Variants in GALNT14 observed in about 807,000 individuals in gnomAD.
GALNT14 encodes polypeptide N-acetylgalactosaminyltransferase 14, also known as UDP-GalNAc:polypeptide N-acetylgalactosaminyltransferase 14.
A neutral mutation model predicts 77.5 loss-of-function variants in GALNT14; 60 were observed. That is an observed-to-expected ratio of 0.77 (90% CI 0.63 to 0.96). The LOEUF is 0.96. Ranked by LOEUF, GALNT14 falls within the 40% of genes least tolerant of loss-of-function variation. The probability of loss-of-function intolerance (pLI) is 0.00; values close to 1 mark genes in which losing one functional copy is unlikely to be tolerated. For missense variants in GALNT14, 710 were observed against 731.0 expected (o/e 0.97, Z 0.33); for synonymous variants, 280 against 281.7 (o/e 0.99, Z 0.06).
At chr2:31,073,294 A>G (rs1675537999) in intron 1 of GALNT14, 1 of 152,268 alleles carries the variant, frequency 6.6e-6, no homozygotes, top group Non-Finnish European at 1.5e-5. Context: ...TGTTAGTTAT[A>G]GACATGAGAC....
intron 1 of GALNT14, among the ~76,000 whole-genome samples, chr2:30,995,642 A>G (rs1669984582): frequency 6.6e-6 from 1 of 152,094 alleles, no homozygotes; most frequent in African/African-American, 2.4e-5. Flanking sequence ...ACAAGTGTGC[A>G]CCACCATGCC....
downstream of GALNT14, among the ~76,000 whole-genome samples, chr2:30,910,085 A>C (rs1664268933): frequency 6.7e-6 from 1 of 148,414 alleles, no homozygotes; most frequent in East Asian, 2.0e-4. Flanking sequence ...GGGGAGGGAT[A>C]GCAGTGGGAG....
At chr2:31,069,589 AGTCT>A (rs1335826650) in intron 1 of GALNT14, among the ~76,000 whole-genome samples, 3 of 152,182 alleles carry the variant, frequency 2.0e-5, no homozygotes, top group Non-Finnish European at 4.4e-5. Context: ...AAACACATGC[AGTCT>A]GTCTCCAGCC....
At chr2:31,081,645 C>G (rs1676158807) in intron 1 of GALNT14, among the ~76,000 whole-genome samples, 1 of 152,122 alleles carries the variant, frequency 6.6e-6, no homozygotes, top group Non-Finnish European at 1.5e-5. Context: ...AATAAAATAA[C>G]CTAGTCACCA....
At chr2:31,003,288 T>TA (rs1573134692) in intron 1 of GALNT14, among the ~76,000 whole-genome samples, 1 of 152,310 alleles carries the variant, frequency 6.6e-6, no homozygotes, top group East Asian at 1.9e-4. Context: ...AGAATGGACA[T>TA]ATAATAGAGG....
chr2:30,976,990 C>T (rs1008470674), intron 2 of GALNT14, among the ~76,000 whole-genome samples: 7 of 152,132 alleles, frequency 4.6e-5, no homozygotes, highest in African/African-American at 1.7e-4. Context: ...GGTCTGGTTC[C>T]CCCCTACCAG....
intron 13 of GALNT14, among the ~76,000 whole-genome samples, chr2:30,917,200 C>CA (rs1391401512): frequency 6.6e-6 from 1 of 151,772 alleles, no homozygotes; most frequent in Non-Finnish European, 1.5e-5. Context: ...AACAATCAGC[C>CA]TGGAGCAGCG....
chr2:31,080,441 C>G (rs952401924), intron 1 of GALNT14, among the ~76,000 whole-genome samples: 1 of 152,192 alleles, frequency 6.6e-6, no homozygotes, highest in Admixed American at 6.5e-5. Flanking sequence ...CCTGCTAGAA[C>G]TAAGTGGTGT....
downstream of GALNT14, among the ~76,000 whole-genome samples, chr2:30,906,909 TC>T (rs921515987): frequency 6.6e-6 from 1 of 152,136 alleles, no homozygotes; most frequent in African/African-American, 2.4e-5. Context: ...AGAATCTCAC[TC>T]AAAACCACGC....
chr2:30,952,907 A>T (rs1290619455), intron 6 of GALNT14, among the ~76,000 whole-genome samples: 1 of 152,086 alleles, frequency 6.6e-6, no homozygotes, highest in East Asian at 1.9e-4. Context: ...GGGGTTTTCC[A>T]CTATACTGCA....
At chr2:30,973,705 G>A (rs1668486034) in intron 2 of GALNT14, among the ~76,000 whole-genome samples, 1 of 152,166 alleles carries the variant, frequency 6.6e-6, no homozygotes, top group South Asian at 2.1e-4. Context: ...TACACTGTAA[G>A]GAATGAAATT....
At chr2:31,040,199 A>T (rs1429205889) in intron 1 of GALNT14, among the ~76,000 whole-genome samples, 1 of 152,234 alleles carries the variant, frequency 6.6e-6, no homozygotes, top group Non-Finnish European at 1.5e-5. Context: ...TAATGTAGAT[A>T]GTAAGAGTAA....
intron 1 of GALNT14, among the ~76,000 whole-genome samples, chr2:31,052,339 GTGACCCTTACAGCTGGGTGGA>G (rs919715788): frequency 2.6e-5 from 4 of 152,158 alleles, no homozygotes; most frequent in Admixed American, 2.6e-4. Flanking sequence ...AGAAACATAT[GTGACCCTTACAGCTGGGTGGA>G]TGACAGCAGA....
intron 1 of GALNT14, among the ~76,000 whole-genome samples, chr2:31,068,414 C>T (rs1226064532): frequency 6.6e-6 from 1 of 150,778 alleles, no homozygotes; most frequent in East Asian, 2.0e-4. Context: ...TTGAACCCAG[C>T]AGGCGAAGGT....
intron 2 of GALNT14, among the ~76,000 whole-genome samples, chr2:30,984,336 G>T (rs1248160133): frequency 1.3e-5 from 2 of 152,194 alleles, no homozygotes; most frequent in Non-Finnish European, 1.5e-5. Flanking sequence ...TGGGGCAGGG[G>T]CACCACTCCT....
intron 1 of GALNT14, among the ~76,000 whole-genome samples, chr2:31,060,007 C>T (rs1430239984): frequency 6.6e-6 from 1 of 152,224 alleles, no homozygotes; most frequent in Non-Finnish European, 1.5e-5. Flanking sequence ...TTAGTATTTA[C>T]ACCATCTCAA....
intron 1 of GALNT14, among the ~76,000 whole-genome samples, chr2:31,013,087 A>G (rs1000584342): frequency 1.3e-5 from 2 of 152,188 alleles, no homozygotes; most frequent in South Asian, 2.1e-4. Flanking sequence ...TGGCTCTGAC[A>G]CTCTTGAGCA....
Position 30,972,265 on chromosome 2 carries a change from A to G in GALNT14, c.300-5963T>C, listed in dbSNP as rs540772753. On this transcript the variant is annotated intron_variant, in intron 2 of 14. Transcript: ENST00000349752. Reference sequence around the variant, plus strand: ...CCGAATCTTAAAGGTGGGCTCTGGCATCCCAGACGGGAGTCTGAAGACAGT... The same window carrying G: ...CCGAATCTTAAAGGTGGGCTCTGGCGTCCCAGACGGGAGTCTGAAGACAGT... Among the ~76,000 whole-genome samples the G allele has an allele frequency of 5.9e-5, 9 of 152,350 alleles. No individual in the cohort carries two copies. The East Asian group carries it at 1.7e-3, about 29-fold the overall frequency.
the GALNT14 span, among the ~76,000 whole-genome samples, chr2:30,894,779 C>G: frequency 6.6e-6 from 1 of 152,154 alleles, no homozygotes; most frequent in Non-Finnish European, 1.5e-5. Flanking sequence ...AGTGGTCATC[C>G]CTCTGGACTC....
Sources: allele counts gnomAD v4.1 joint callset (sites outside exome capture counted in the v4.1 genomes callset), GRCh38; gene constraint gnomAD v4.1.1; transcripts MANE v1.5; gene names NCBI Gene and HGNC (gene_info 2026-07-23, HGNC 2026-07-21).